TTN: variants seen among roughly 807,000 people sequenced by gnomAD.
TTN encodes the protein titin, also known as connectin.
Under a neutral mutation model 3,223.0 loss-of-function variants are expected in TTN, and 1,525 were observed. The observed-to-expected ratio is 0.47, with a 90% CI of 0.45 to 0.49. The LOEUF (loss-of-function observed/expected upper bound fraction) is 0.49. Ranked by LOEUF, TTN falls within the 20% of genes least tolerant of loss-of-function variation. The probability of loss-of-function intolerance (pLI) is 0.00; values close to 1 mark genes in which losing one functional copy is unlikely to be tolerated. For synonymous variants in TTN, 14,094 were observed against 15,161.0 expected (o/e 0.93, Z 5.17); for missense variants, 40,786 against 43,424.0 (o/e 0.94, Z 5.40).
In TTN at chr2:178,664,074, A is replaced by T. The variant is rs1384063258; in HGVS notation, c.36305T>A (p.Ile12102Asn). ...VKVHEAPKEI[I>N]PEKKVSVVPP... The stretch of plus-strand genomic sequence containing the variant: ...CACCACCGACACTTTCTTTTCAGGG[A>T]TAATCTCTTTGGGAGCTTCGTGCAC... Residue 12102 changes from isoleucine (I) to asparagine (N), a missense_variant, in exon 169 of 363, where the codon ATC (isoleucine) becomes AAC (asparagine). Ile to Asn is a moderately radical substitution (Grantham distance 149, BLOSUM62 -3). Coordinates refer to ENST00000589042, the MANE Select transcript of TTN (RefSeq NM_001267550.2). 6.2e-7 allele frequency: 1 copy of T among 1,612,828 alleles called. No homozygotes were observed.
At chr2:178,684,270 G>T in intron 132 of TTN, 60 bp downstream of exon 132, 1 of 1,552,476 alleles carries the variant, frequency 6.4e-7, no homozygotes, top group Non-Finnish European at 8.8e-7. Flanking sequence ...CATAACCAGT[G>T]TATTTGGTAA....
intron 100 of TTN, among the ~76,000 whole-genome samples, chr2:178,707,247 A>G (rs138532282): frequency 1.3e-5 from 2 of 152,354 alleles, no homozygotes; most frequent in African/African-American, 4.8e-5. Context: ...TTATTATAGC[A>G]TCATTTTTGG....
chr2:178,619,279 C>A, intron 250 of TTN: 1 of 387,958 alleles, frequency 2.6e-6, no homozygotes, highest in Non-Finnish European at 4.6e-6. Flanking sequence ...AGGATGAGAA[C>A]ATACCTAAAA....
rs777345561 is a variant in TTN at position 178,590,257 on chromosome 2, C to T, written c.61468G>A (p.Val20490Ile). The T allele has an allele frequency of 1.3e-6, 2 of 1,581,468 alleles. No individual in the cohort carries two copies. The highest frequency in any genetic ancestry group is 2.4e-5 in the South Asian group (2 of 84,190). The change falls in exon 304 of 363, where the codon GTA becomes ATA. Residue 20490 changes from valine (V) to isoleucine (I), a missense_variant. By Grantham distance (29) the Val-to-Ile change is conservative. Coordinates refer to ENST00000589042, the MANE Select transcript of TTN (RefSeq NM_001267550.2). ...VTCRDVITVR[V>I]GQTIRILARV... ...GCTAGAATGCGGATAGTTTGGCCTA[C>T]TCTCACGGTAATAACATCACGACAA...
rs779742576 is a variant in TTN, at chr2:178,552,801, A to T, written c.90099T>A (p.Pro30033=). 1.1e-5 allele frequency: 18 copies of T among 1,613,910 alleles called. No homozygotes were observed. The highest frequency in any genetic ancestry group is 1.5e-5 in the Non-Finnish European group (18 of 1,179,834). Residue 30033 remains proline, a synonymous_variant, in exon 335 of 363, where the codon CCT becomes CCA. Coordinates refer to ENST00000589042, the MANE Select transcript of TTN (RefSeq NM_001267550.2). ...EPVKAAEVPA[P]IRDLSMKDST... is the part of the protein sequence containing the mutation. ...AGTCTTTCATTGAGAGATCACGTAT[A>T]GGAGCTGGTACTTCAGCAGCCTTCA... is the stretch of plus-strand genomic sequence containing the variant.
Position 178,535,654 on chromosome 2 carries a change from A to G in TTN, c.100961T>C (p.Val33654Ala). Residue 33654 changes from valine (V) to alanine (A), a missense_variant, in exon 358 of 363, where the codon GTT becomes GCT. Coordinates refer to ENST00000589042, the MANE Select transcript of TTN (RefSeq NM_001267550.2). The part of the protein sequence containing the change: ...VIVTRSFTSL[V>A]FPNGVERKDA... ...TTTTCTCTCTACCCCATTGGGGAAA[A>G]CAAGTGATGTGAAGGATCTTGTGAC... is the stretch of plus-strand genomic sequence containing the variant. 6.2e-7 allele frequency: 1 copy of G among 1,613,850 alleles called. No homozygotes were observed. Among genetic ancestry groups the G allele is most frequent in the Non-Finnish European group, 8.5e-7 (1 of 1,179,786 alleles).
chr2:178,635,074 T>G, intron 228 of TTN, 91 bp downstream of exon 228: 8 of 1,550,106 alleles, frequency 5.2e-6, no homozygotes, highest in Non-Finnish European at 7.0e-6. Context: ...ACTCCATTAT[T>G]ATTAAAGCAA....
At position 178,538,925 on chromosome 2, in the gene TTN, C is replaced by T. The variant is rs751199790; in HGVS notation, c.98989+21G>A. 5.0e-6 allele frequency: 8 copies of T among 1,592,642 alleles called. No homozygotes were observed. In the African/African-American group the frequency reaches 9.4e-5, roughly 19 times the overall value. ...ACATGGCTTGCTTCTTTAATTTAAC[C>T]CCTTCTTCTGAATTCCTTACCAAAT... On this transcript the variant is annotated intron_variant, in intron 353 of 362. Transcript: ENST00000589042.
chr2:178,740,143 C>A lies in TTN; in HGVS notation c.13090G>T (p.Val4364Leu). 1 of 1,613,788 alleles carries A rather than the reference C, an allele frequency of 6.2e-7. No individual in the cohort carries two copies. The highest frequency in any genetic ancestry group is 8.5e-7 in the Non-Finnish European group (1 of 1,179,806). Residue 4364 changes from valine (V) to leucine (L), a missense_variant, in exon 48 of 363, where the codon GTG (valine) becomes TTG (leucine). Val to Leu is a conservative substitution (Grantham distance 32). Coordinates refer to ENST00000589042, the MANE Select transcript of TTN (RefSeq NM_001267550.2). ...DQIIESKREP[V>L]AIKKVQEVQG... The stretch of plus-strand genomic sequence containing the variant: ...ACCTCCTGCACTTTCTTTATTGCCA[C>A]GGGCTCTCTTTTAGACTCAATGATT...
intron 131 of TTN, 51 bp downstream of exon 131, chr2:178,684,615 A>G (rs1659563538): frequency 1.3e-6 from 2 of 1,559,842 alleles, no homozygotes; most frequent in East Asian, 2.2e-5. Context: ...GCAGAGAGAA[A>G]GAAAGACAAG....
chr2:178,680,131 C>A (rs1282601385), intron 139 of TTN, 76 bp from the exon 140 acceptor site: 2 of 1,581,520 alleles, frequency 1.3e-6, no homozygotes, highest in South Asian at 1.2e-5. Flanking sequence ...AACACAGGCC[C>A]ATTTATAACA....
At position 178,564,184 on chromosome 2, in the gene TTN, A is replaced by G. The variant is rs886039026; in HGVS notation, c.81948T>C (p.Leu27316=). The G allele has an allele frequency of 4.3e-6, 7 of 1,613,726 alleles. No homozygotes were observed. Among genetic ancestry groups the G allele is most frequent in the East Asian group, 2.2e-5 (1 of 44,846 alleles). Residue 27316 remains leucine, a synonymous_variant, in exon 326 of 363, where the codon CTT becomes CTC. Coordinates refer to ENST00000589042, the MANE Select transcript of TTN (RefSeq NM_001267550.2). The part of the protein sequence containing the change: ...DVVWSKDGKE[L]EETAARMEIK... ...TTTCCATTCTAGCAGCTGTTTCTTCAAGTTCTTTTCCATCTTTTGACCAAA... is the reference window on the plus strand; with the variant it reads ...TTTCCATTCTAGCAGCTGTTTCTTCGAGTTCTTTTCCATCTTTTGACCAAA...
rs1220964715 is a variant in TTN at position 178,541,542 on chromosome 2, G to A, written c.97535C>T (p.Ser32512Phe). The A allele has an allele frequency of 6.2e-7, 1 of 1,612,318 alleles. No homozygotes were observed. The highest frequency in any genetic ancestry group is 1.3e-5 in the African/African-American group (1 of 74,980). The change falls in exon 350 of 363, where the codon TCC becomes TTC. Residue 32512 changes from serine (S) to phenylalanine (F), a missense_variant. Transcript: ENST00000589042. ...CCAAGTAAGTGTCATGCCATCACGG[G>A]AAACATCAAATATCTGTAATGTTTC... ...PPETLQIFDV[S>F]RDGMTLTWYP...
At chr2:178,592,686 A>C in intron 300 of TTN, 26 bp from the exon 301 acceptor site, 8 of 1,611,808 alleles carry the variant, frequency 5.0e-6, no homozygotes, top group Non-Finnish European at 6.8e-6. Flanking sequence ...CAGAACACTC[A>C]GATTTGATCC....
In TTN at chr2:178,770,075, T is replaced by C; in HGVS notation, c.8626A>G (p.Lys2876Glu). ...TGATACTTACTCTCCACAAACAGTTTTGCTTTGCATTCCAATTGCCCGACC... is the reference window on the plus strand; with the variant it reads ...TGATACTTACTCTCCACAAACAGTTCTGCTTTGCATTCCAATTGCCCGACC... ...AVVGQLECKA[K>E]LFVETLHITK... Residue 2876 changes from lysine to glutamate, a missense_variant, in exon 36 of 363, where the codon AAA becomes GAA. Transcript: ENST00000589042. 1 of 1,614,178 alleles carries C rather than the reference T, an allele frequency of 6.2e-7. No individual in the cohort carries two copies. The highest frequency in any genetic ancestry group is 8.5e-7 in the Non-Finnish European group (1 of 1,180,014).
chr2:178,701,312 G>A lies in TTN; in HGVS notation c.30599-109C>T, dbSNP rs370244279. ...CAGTACTTCATAGGTATTATAGTAC[G>A]AATTCATCAGTCGGAACAAATAAAA... On this transcript the variant is annotated intron_variant, in intron 110 of 362. Coordinates refer to ENST00000589042, the MANE Select transcript of TTN (RefSeq NM_001267550.2). 27 of 1,083,018 alleles carry A rather than the reference G, an allele frequency of 2.5e-5. No individual in the cohort carries two copies. In the East Asian group the frequency reaches 3.6e-4, roughly 15 times the overall value. The allele number at this position is 1,083,018 out of a possible 1,614,324, so 67.1% of individuals were successfully genotyped here.
chr2:178,780,454 C>A (rs1227293399), intron 21 of TTN, among the ~76,000 whole-genome samples: 3 of 152,168 alleles, frequency 2.0e-5, no homozygotes, highest in African/African-American at 4.8e-5. Context: ...GGGGGATCTA[C>A]CACGGAGGAC....
chr2:178,725,211 G>C (rs1267531949), intron 71 of TTN, 157 bp downstream of exon 71: 2 of 770,180 alleles, frequency 2.6e-6, no homozygotes, highest in Admixed American at 4.0e-5. Flanking sequence ...ACAGAAAAGA[G>C]TGTTTGAAAG....
At position 178,621,924 on chromosome 2, in the gene TTN, T is replaced by C. The variant is rs775264673; in HGVS notation, c.44998A>G (p.Ile15000Val). 6.2e-7 allele frequency: 1 copy of C among 1,612,000 alleles called. No homozygotes were observed. Among genetic ancestry groups the C allele is most frequent in the African/African-American group, 1.3e-5 (1 of 74,826 alleles). Reference protein sequence around the residue: ...ISKGAVRILVINKCLLDDEAE... With the variant: ...ISKGAVRILVVNKCLLDDEAE... ...TCATCATCCAGTAGACATTTGTTGA[T>C]GACAAGAATGCGCACTGCTCCCTTG... The change falls in exon 244 of 363, where the codon ATC (isoleucine) becomes GTC (valine). Residue 15000 changes from isoleucine (I) to valine (V), a missense_variant. Physicochemically the swap from Ile to Val is conservative, Grantham distance 29. Transcript: ENST00000589042.
Sources: allele counts gnomAD v4.1 joint callset (sites outside exome capture counted in the v4.1 genomes callset), GRCh38; gene constraint gnomAD v4.1.1; transcripts MANE v1.5; gene names NCBI Gene and HGNC (gene_info 2026-07-23, HGNC 2026-07-21).